Variants in GPC5 observed in about 807,000 individuals in gnomAD.
The protein encoded by GPC5 is glypican 5, also known as glypican-5.
Under a neutral mutation model 53.9 loss-of-function variants are expected in GPC5, and 47 were observed. That is an observed-to-expected ratio of 0.87 (90% confidence interval 0.69 to 1.11). GPC5 has a LOEUF of 1.11. Among genes scored for constraint, GPC5 ranks in the 50% most tolerant of loss-of-function variants. The pLI, the probability that GPC5 is intolerant of heterozygous loss-of-function variation, is 0.00. For missense variants in GPC5, 748 were observed against 713.1 expected (o/e 1.05, Z -0.56); for synonymous variants, 286 against 263.3 (o/e 1.09, Z -0.84).
At chr13:92,840,647 C>A (rs1406527075) in intron 7 of GPC5, among the ~76,000 whole-genome samples, 2 of 152,020 alleles carry the variant, frequency 1.3e-5, no homozygotes, top group Admixed American at 1.3e-4. Flanking sequence ...AAAATGCCAT[C>A]AGGATTTTGA....
intron 7 of GPC5, among the ~76,000 whole-genome samples, chr13:92,421,406 G>T (rs190659761): frequency 2.6e-5 from 4 of 152,166 alleles, no homozygotes; most frequent in Admixed American, 2.0e-4. Flanking sequence ...AATTTATAAA[G>T]AAAAGAGGTT....
intron 5 of GPC5, among the ~76,000 whole-genome samples, chr13:91,896,910 T>A (rs2039447822): frequency 1.3e-5 from 2 of 152,158 alleles, no homozygotes; most frequent in African/African-American, 4.8e-5. Flanking sequence ...TTCTGTTACA[T>A]ACGTAGATTG....
At chr13:91,727,210 T>C (rs1015789992) in intron 3 of GPC5, among the ~76,000 whole-genome samples, 4 of 152,220 alleles carry the variant, frequency 2.6e-5, no homozygotes, top group African/African-American at 9.6e-5. Context: ...CAGATATTTA[T>C]TTTTAATCTG....
intron 6 of GPC5, among the ~76,000 whole-genome samples, chr13:92,081,697 C>G (rs2041297080): frequency 6.6e-6 from 1 of 152,090 alleles, no homozygotes; most frequent in African/African-American, 2.4e-5. Flanking sequence ...ATGTGATTCC[C>G]TTTGTTCCAT....
At chr13:92,815,881 A>G (rs1199743518) in intron 7 of GPC5, among the ~76,000 whole-genome samples, 1 of 151,936 alleles carries the variant, frequency 6.6e-6, no homozygotes, top group Non-Finnish European at 1.5e-5. Flanking sequence ...AACATAGGGG[A>G]AAAACAGTTT....
chr13:92,021,539 A>C (rs759251557), intron 6 of GPC5, among the ~76,000 whole-genome samples: 4 of 152,214 alleles, frequency 2.6e-5, no homozygotes, highest in Non-Finnish European at 5.9e-5. Flanking sequence ...TAAGCTCTAC[A>C]GATTTGCTGT....
intron 5 of GPC5, among the ~76,000 whole-genome samples, chr13:91,799,204 CAT>C (rs2038095539): frequency 6.6e-6 from 1 of 152,182 alleles, no homozygotes; most frequent in Admixed American, 6.5e-5. Context: ...AGCTGTAAGA[CAT>C]TATCCTAAAC....
intron 7 of GPC5, among the ~76,000 whole-genome samples, chr13:92,700,255 ATTTTT>A (rs36058737): frequency 7.7e-5 from 8 of 103,636 alleles, no homozygotes; most frequent in African/African-American, 2.5e-4. Flanking sequence ...CAACCCCTGC[ATTTTT>A]TTTTTTTTTT....
At chr13:92,069,914 A>G (rs1486697548) in intron 6 of GPC5, among the ~76,000 whole-genome samples, 1 of 152,192 alleles carries the variant, frequency 6.6e-6, no homozygotes, top group Non-Finnish European at 1.5e-5. Context: ...GTCATGCTTT[A>G]ATCCTTGAGA....
At chr13:92,416,834 CAT>C (rs1173495529) in intron 7 of GPC5, among the ~76,000 whole-genome samples, 2 of 152,000 alleles carry the variant, frequency 1.3e-5, no homozygotes, top group Non-Finnish European at 2.9e-5. Flanking sequence ...ATAAGAAACT[CAT>C]ATGTAGGACA....
chr13:91,911,830 G>T (rs2039613299), intron 6 of GPC5, among the ~76,000 whole-genome samples: 1 of 152,166 alleles, frequency 6.6e-6, no homozygotes, highest in African/African-American at 2.4e-5. Flanking sequence ...TGATAGCAAG[G>T]TTTGGTGGGA....
At chr13:91,967,869 A>G (rs2040195762) in intron 6 of GPC5, among the ~76,000 whole-genome samples, 1 of 152,066 alleles carries the variant, frequency 6.6e-6, no homozygotes, top group South Asian at 2.1e-4. Context: ...GCTTGCCAAC[A>G]TTATTATTTT....
intron 7 of GPC5, among the ~76,000 whole-genome samples, chr13:92,289,619 G>T (rs943918935): frequency 6.6e-6 from 1 of 151,838 alleles, no homozygotes; most frequent in African/African-American, 2.4e-5. Flanking sequence ...CAGGAACTAT[G>T]TTAATTGCCT....
Position 91,761,194 on chromosome 13 carries a change from T to G in GPC5, c.1280+4774T>G, listed in dbSNP as rs573700933. Among the ~76,000 whole-genome samples the G allele has an allele frequency of 4.1e-4, 63 of 152,304 alleles. 2 individuals are homozygous for G. The South Asian group carries it at 0.012, about 28-fold the overall frequency. ...TTCCTTTTCCCTTTTGATTAACAGA[T>G]AATCCTGTAACTGTCCCTCAGTCTC... On this transcript the variant is annotated intron_variant, in intron 5 of 7. Coordinates refer to ENST00000377067, the MANE Select transcript of GPC5 (RefSeq NM_004466.6).
At chr13:92,640,869 TAACC>T (rs1457509270) in intron 7 of GPC5, among the ~76,000 whole-genome samples, 2 of 148,802 alleles carry the variant, frequency 1.3e-5, no homozygotes, top group African/African-American at 5.0e-5. Flanking sequence ...TCTATTATAA[TAACC>T]AAACAAACAG....
intron 7 of GPC5, among the ~76,000 whole-genome samples, chr13:92,624,223 C>A (rs1179030599): frequency 6.6e-6 from 1 of 152,010 alleles, no homozygotes; most frequent in Non-Finnish European, 1.5e-5. Flanking sequence ...GCACGTGCCA[C>A]CATGCCCTGC....
intron 7 of GPC5, among the ~76,000 whole-genome samples, chr13:92,749,939 C>G (rs369373626): frequency 6.6e-6 from 1 of 152,158 alleles, no homozygotes; most frequent in Non-Finnish European, 1.5e-5. Context: ...GTAGAAGTAT[C>G]TGAACCAAAC....
chr13:92,817,418 A>T (rs757944744), intron 7 of GPC5, among the ~76,000 whole-genome samples: 1 of 151,924 alleles, frequency 6.6e-6, no homozygotes, highest in Non-Finnish European at 1.5e-5. Flanking sequence ...CCAAAACTAT[A>T]TGTTACTATG....
intron 6 of GPC5, among the ~76,000 whole-genome samples, chr13:91,958,643 C>G (rs553125257): frequency 2.2e-4 from 33 of 152,054 alleles, no homozygotes; most frequent in Non-Finnish European, 4.7e-4. Context: ...GAAATCTCAA[C>G]AAAAACAATT....
Sources: gnomAD v4.1 joint callset for allele counts (sites outside exome capture counted in the v4.1 genomes callset) on GRCh38, gnomAD v4.1.1 for gene constraint, MANE v1.5 for transcripts, NCBI Gene and HGNC (gene_info 2026-07-23, HGNC 2026-07-21) for gene names.